The following ZNF850 variants were observed in gnomAD, a reference collection of about 807,000 sequenced individuals.
ZNF850 encodes the protein putative zinc finger protein ENSP00000330994.
Under a neutral mutation model 11.9 loss-of-function variants are expected in ZNF850, and 2 were observed. The ratio of observed to expected loss-of-function variants is 0.17; its 90% CI spans 0.07 to 0.53. The LOEUF is 0.53. Among genes scored for constraint, ZNF850 ranks in the 20% least tolerant of loss-of-function variants. The probability of loss-of-function intolerance (pLI) is 0.94; values close to 1 mark genes in which losing one functional copy is unlikely to be tolerated. For synonymous variants in ZNF850, 381 were observed against 443.0 expected (o/e 0.86, Z 1.76); for missense variants, 1,014 against 1,316.4 (o/e 0.77, Z 3.55).
intron 4 of ZNF850, 111 bp downstream of exon 4, chr19:36,761,532 C>T (rs1165710538): frequency 3.7e-6 from 2 of 544,708 alleles, no homozygotes; most frequent in African/African-American, 3.8e-5. Context: ...ACCACCCTTA[C>T]ATGGGACCTT....
intron 1 of ZNF850, among the ~76,000 whole-genome samples, chr19:36,772,495 A>C (rs1481192548): frequency 6.6e-6 from 1 of 152,080 alleles, no homozygotes; most frequent in Non-Finnish European, 1.5e-5. Context: ...CACGCAGTCC[A>C]ACCACACAGT....
rs1392970946 is a variant in ZNF850 at position 36,743,917 on chromosome 19, C to G, written c.*3850G>C. 1 of 152,122 alleles carries G rather than the reference C, an allele frequency of 6.6e-6. No homozygotes were observed. The highest frequency in any genetic ancestry group is 1.5e-5 in the Non-Finnish European group (1 of 68,036). The allele number at this position is 152,122 out of a possible 1,614,324, so 9.4% of individuals were successfully genotyped here. A position where few individuals can be genotyped will look rare whatever the true frequency, so the allele number is the denominator to read the frequency against. On this transcript the variant is annotated 3_prime_UTR_variant, in exon 5 of 5. Transcript: ENST00000591344. ...GATTTACCGGCCGGGCACGTGGATCCTGCCTGTAATCCCAGCACTTTGGGA... is the reference window on the plus strand; with the variant it reads ...GATTTACCGGCCGGGCACGTGGATCGTGCCTGTAATCCCAGCACTTTGGGA...
intron 1 of ZNF850, among the ~76,000 whole-genome samples, chr19:36,769,870 G>C (rs1365323006): frequency 6.6e-6 from 1 of 152,146 alleles, no homozygotes; most frequent in African/African-American, 2.4e-5. Context: ...ATGAGATACT[G>C]TCATCCCACA....
rs1356477438 is a variant in ZNF850, at chr19:36,749,141, A to G, written c.1899T>C (p.Thr633=). The part of the protein sequence containing the change: ...GKAFRLRLRL[T]QHQQIHTGEK... ...CACCAGTATGGATTTGTTGATGTTG[A>G]GTAAGTCGTAAACGAAGTCTAAAGG... Residue 633 remains threonine (T), a synonymous_variant, in exon 5 of 5, where the codon ACT becomes ACC. Coordinates refer to ENST00000591344, the MANE Select transcript of ZNF850 (RefSeq NM_001193552.2). 6.2e-7 allele frequency: 1 copy of G among 1,603,972 alleles called. No individual in the cohort carries two copies. Among genetic ancestry groups the G allele is most frequent in the Non-Finnish European group, 8.5e-7 (1 of 1,176,754 alleles).
intron 1 of ZNF850, among the ~76,000 whole-genome samples, chr19:36,764,906 C>T (rs1436546740): frequency 1.3e-5 from 2 of 151,798 alleles, no homozygotes; most frequent in South Asian, 2.1e-4. Context: ...AGGCTGGTCT[C>T]GAACTCCTGG....
At chr19:36,772,104 A>C (rs956307967) in intron 1 of ZNF850, among the ~76,000 whole-genome samples, 1 of 152,202 alleles carries the variant, frequency 6.6e-6, no homozygotes, top group African/African-American at 2.4e-5. Context: ...CGCTGGTCAC[A>C]CAAAGGACAA....
Position 36,761,869 on chromosome 19 carries a change from A to G in ZNF850, c.140-131T>C, listed in dbSNP as rs2040520446. 4.1e-5 allele frequency: 23 copies of G among 561,076 alleles called. No individual in the cohort carries two copies. The South Asian group carries it at 5.1e-4, about 13-fold the overall frequency. The allele number at this position is 561,076 out of a possible 1,614,324, so 34.8% of individuals were successfully genotyped here. A position where few individuals can be genotyped will look rare whatever the true frequency, so the allele number is the denominator to read the frequency against. The stretch of plus-strand genomic sequence containing the variant: ...AAGACCAGCCTGACCAACATGGTGA[A>G]ACCCTGTCTCTACTAAAAATACAAA... On this transcript the variant is annotated intron_variant, in intron 3 of 4. Coordinates refer to ENST00000591344, the MANE Select transcript of ZNF850 (RefSeq NM_001193552.2).
rs2040410523 is a variant in ZNF850 at position 36,746,200 on chromosome 19, T to TATCTGTGTCATATTTGGATGA, written c.*1546_*1566dup. 1 of 73,804 alleles carries TATCTGTGTCATATTTGGATGA rather than the reference T, an allele frequency of 1.4e-5. No homozygotes were observed. Among genetic ancestry groups the TATCTGTGTCATATTTGGATGA allele is most frequent in the South Asian group, 5.1e-4 (1 of 1,946 alleles). 4.6% of individuals were successfully genotyped at this position (73,804 alleles called of 1,614,324 possible). A position where few individuals can be genotyped will look rare whatever the true frequency, so the allele number is the denominator to read the frequency against. ...TATTCACCAGCATGTGCTCACTTTG[T>TATCTGTGTCATATTTGGATGA]ATCTGTGTCATATTTGGATGATCCC... is the stretch of plus-strand genomic sequence containing the variant. On this transcript the variant is annotated 3_prime_UTR_variant, in exon 5 of 5. Coordinates refer to ENST00000591344, the MANE Select transcript of ZNF850 (RefSeq NM_001193552.2).
intron 1 of ZNF850, among the ~76,000 whole-genome samples, chr19:36,763,657 G>C (rs2040532613): frequency 6.6e-6 from 1 of 152,104 alleles, no homozygotes; most frequent in East Asian, 1.9e-4. Flanking sequence ...GGCTGGGTGT[G>C]GTAACCCACA....
chr19:36,770,703 C>CA (rs567709722), intron 1 of ZNF850, among the ~76,000 whole-genome samples: 1,075 of 66,504 alleles, frequency 0.016, 258 homozygotes, highest in Non-Finnish European at 0.024. Context: ...GAGACTCCAT[C>CA]AAAAAAAAAA....
At chr19:36,768,579 A>G (rs1180257471) in intron 1 of ZNF850, among the ~76,000 whole-genome samples, 1 of 152,164 alleles carries the variant, frequency 6.6e-6, no homozygotes, top group African/African-American at 2.4e-5. Flanking sequence ...CATCTCAAGT[A>G]TATTGTAATC....
chr19:36,749,224 G>C lies in ZNF850; in HGVS notation c.1816C>G (p.Gln606Glu), dbSNP rs770009797. The change falls in exon 5 of 5, where the codon CAA (glutamine) becomes GAA (glutamate). Residue 606 changes from glutamine (Q) to glutamate (E), a missense_variant. Gln to Glu is a conservative substitution (Grantham distance 29). Transcript: ENST00000591344. The part of the protein sequence containing the change: ...KSFTVGSTLL[Q>E]HQQIHTGEKP... ...TCACCAGTGTGAATTTGCTGATGTTGAAGTAGTGTTGAGCCAACAGTAAAA... is the reference window on the plus strand; with the variant it reads ...TCACCAGTGTGAATTTGCTGATGTTCAAGTAGTGTTGAGCCAACAGTAAAA... 2 of 1,595,058 alleles carry C rather than the reference G, an allele frequency of 1.3e-6. No individual in the cohort carries two copies. The highest frequency in any genetic ancestry group is 1.7e-6 in the Non-Finnish European group (2 of 1,172,958).
At position 36,746,259 on chromosome 19, in the gene ZNF850, C is replaced by G. The variant is rs1393246763; in HGVS notation, c.*1508G>C. On this transcript the variant is annotated 3_prime_UTR_variant, in exon 5 of 5. Transcript: ENST00000591344. ...TTCAACTTTCTCATTGTTGTTATAT[C>G]TGTTATGGTGGCCTATGATTATCTT... The G allele has an allele frequency of 6.6e-6, 1 of 152,212 alleles. No individual in the cohort carries two copies. The highest frequency in any genetic ancestry group is 1.5e-5 in the Non-Finnish European group (1 of 68,032). 9.4% of individuals were successfully genotyped at this position (152,212 alleles called of 1,614,324 possible).
intron 1 of ZNF850, among the ~76,000 whole-genome samples, 172 bp downstream of exon 1, chr19:36,772,553 A>T (rs1420166465): frequency 1.3e-5 from 2 of 152,012 alleles, no homozygotes; most frequent in Non-Finnish European, 2.9e-5. Context: ...TCCAGGACAC[A>T]CACACCCACT....
At chr19:36,761,761 G>C (rs1406092454) in intron 3 of ZNF850, 23 bp from the exon 4 acceptor site, 3 of 1,412,268 alleles carry the variant, frequency 2.1e-6, no homozygotes, top group Non-Finnish European at 2.9e-6. Flanking sequence ...AAAGAAGTAA[G>C]ATAGCCAGGC....
intron 4 of ZNF850, among the ~76,000 whole-genome samples, chr19:36,751,200 A>G (rs1168213974): frequency 6.6e-6 from 1 of 152,110 alleles, no homozygotes; most frequent in Non-Finnish European, 1.5e-5. Flanking sequence ...ACTCCAGTCT[A>G]ATCACTGGAA....
chr19:36,754,005 T>C (rs2040470159), intron 4 of ZNF850, among the ~76,000 whole-genome samples: 2 of 151,378 alleles, frequency 1.3e-5, no homozygotes, highest in African/African-American at 4.9e-5. Flanking sequence ...AATAAGCTGG[T>C]TAAAAAAATT....
intron 3 of ZNF850, among the ~76,000 whole-genome samples, chr19:36,761,977 C>T (rs1024615192): frequency 4.1e-5 from 6 of 145,392 alleles, no homozygotes; most frequent in Admixed American, 7.1e-5. Context: ...ACCCGAGAGA[C>T]GGAGGTTGGA....
chr19:36,752,021 C>T (rs1422920512), intron 4 of ZNF850, among the ~76,000 whole-genome samples: 1 of 151,854 alleles, frequency 6.6e-6, no homozygotes, highest in Admixed American at 6.6e-5. Context: ...AGCAAAAAGG[C>T]CAAGCAAATT....
Sources: allele counts gnomAD v4.1 joint callset (sites outside exome capture counted in the v4.1 genomes callset), GRCh38; gene constraint gnomAD v4.1.1; transcripts MANE v1.5; gene names NCBI Gene and HGNC (gene_info 2026-07-23, HGNC 2026-07-21).